The following PLEKHM1 variants were observed in gnomAD, a reference collection of about 807,000 sequenced individuals.
PLEKHM1 encodes the protein pleckstrin homology and RUN domain containing M1, also known as pleckstrin homology domain-containing family M member 1.
Under a neutral mutation model 94.3 loss-of-function variants are expected in PLEKHM1, and 28 were observed. The observed-to-expected ratio is 0.30, with a 90% confidence interval of 0.22 to 0.41. PLEKHM1 has a LOEUF of 0.41. Among genes scored for constraint, PLEKHM1 ranks in the 10% least tolerant of loss-of-function variants. The probability of loss-of-function intolerance (pLI) is 1.00; values close to 1 mark genes in which losing one functional copy is unlikely to be tolerated. For synonymous variants in PLEKHM1, 424 were observed against 581.2 expected (o/e 0.73, Z 3.89); for missense variants, 907 against 1,358.6 (o/e 0.67, Z 5.22).
intron 1 of PLEKHM1, among the ~76,000 whole-genome samples, chr17:45,486,046 C>A (rs2052104161): frequency 6.7e-6 from 1 of 148,648 alleles, no homozygotes; most frequent in Non-Finnish European, 1.5e-5. Flanking sequence ...GAAACCCCGT[C>A]TCTACTAAAA....
chr17:45,488,495 T>G (rs193148011), intron 1 of PLEKHM1, among the ~76,000 whole-genome samples: 64 of 152,296 alleles, frequency 4.2e-4, no homozygotes, highest in South Asian at 1.9e-3. Context: ...ACTGTGGAGC[T>G]CCTGTCATTA....
chr17:45,438,068 G>T, intron 11 of PLEKHM1, 99 bp from the exon 12 acceptor site: 2 of 837,558 alleles, frequency 2.4e-6, no homozygotes. Context: ...CGATACGGCT[G>T]TGATGTACTG....
intron 3 of PLEKHM1, 119 bp downstream of exon 3, chr17:45,477,781 T>C: frequency 8.4e-7 from 1 of 1,189,932 alleles, no homozygotes; most frequent in Non-Finnish European, 1.2e-6. Context: ...CCTCACCCTC[T>C]CTCTATGCTA....
At chr17:45,478,919 C>T (rs1440148782) in intron 2 of PLEKHM1, among the ~76,000 whole-genome samples, 2 of 152,100 alleles carry the variant, frequency 1.3e-5, no homozygotes, top group Non-Finnish European at 2.9e-5. Context: ...AGACATTCCA[C>T]TTAACCGCTT....
At chr17:45,466,765 C>T (rs2051333044) in intron 5 of PLEKHM1, among the ~76,000 whole-genome samples, 1 of 152,094 alleles carries the variant, frequency 6.6e-6, no homozygotes, top group Non-Finnish European at 1.5e-5. Flanking sequence ...AACTAGAATG[C>T]TCATTTGTTG....
Position 45,481,732 on chromosome 17 carries a change from T to C in PLEKHM1, c.48+705A>G, listed in dbSNP as rs2051958999. ...AAGCCAGCTGGGAAACAGGTGGAGC[T>C]GGACTCTCCTGTGGCCAGGACGGGG... is the stretch of plus-strand genomic sequence containing the variant. On this transcript the variant is annotated intron_variant, in intron 2 of 11. Coordinates refer to ENST00000430334, the MANE Select transcript of PLEKHM1 (RefSeq NM_014798.3). 2.0e-5 allele frequency among the ~76,000 whole-genome samples: 3 copies of C among 150,954 alleles called. No homozygotes were observed. The South Asian group carries it at 6.4e-4, about 32-fold the overall frequency.
rs1341397587 is a variant in PLEKHM1, at chr17:45,445,228, G to A, written c.2837+242C>T. ...CTGCCCAGGTTTCCTCCAGGTGGAC[G>A]CCTTGCCCTGGGCACTGCCCCTGTG... On this transcript the variant is annotated intron_variant, in intron 9 of 11. Coordinates refer to ENST00000430334, the MANE Select transcript of PLEKHM1 (RefSeq NM_014798.3). The surrounding 1 kb of genome is among the most constrained non-coding windows in gnomAD (Gnocchi z 4.2). Among the ~76,000 whole-genome samples the A allele has an allele frequency of 2.0e-5, 3 of 152,252 alleles. No homozygotes were observed. The highest frequency in any genetic ancestry group is 2.9e-5 in the Non-Finnish European group (2 of 68,046).
intron 4 of PLEKHM1, among the ~76,000 whole-genome samples, chr17:45,473,757 A>C (rs868342950): frequency 6.6e-6 from 1 of 151,872 alleles, no homozygotes; most frequent in Non-Finnish European, 1.5e-5. Context: ...ATGGGGTTTC[A>C]CCGTGTTAGC....
At chr17:45,483,894 A>AAAAT (rs2052032244) in intron 1 of PLEKHM1, among the ~76,000 whole-genome samples, 1 of 152,202 alleles carries the variant, frequency 6.6e-6, no homozygotes, top group African/African-American at 2.4e-5. Flanking sequence ...GCTGTAAACC[A>AAAAT]AAAATAAAAT....
chr17:45,454,087 G>C lies in PLEKHM1; in HGVS notation c.1765C>G (p.His589Asp). Residue 589 changes from histidine to aspartate, a missense_variant, in exon 7 of 12, where the codon CAT becomes GAT. Coordinates refer to ENST00000430334, the MANE Select transcript of PLEKHM1 (RefSeq NM_014798.3). ...ACCAGCTCAAAGCGCCCATCACTAT[G>C]GGCTGGCCCCACAGACTCACAGCGA... The part of the protein sequence containing the change: ...LLRCESVGPA[H>D]SDGRFELVFS... 4 of 1,614,218 alleles carry C rather than the reference G, an allele frequency of 2.5e-6. No homozygotes were observed. Among genetic ancestry groups the C allele is most frequent in the Non-Finnish European group, 3.4e-6 (4 of 1,180,054 alleles).
intron 1 of PLEKHM1, among the ~76,000 whole-genome samples, chr17:45,490,147 G>C (rs554618668): frequency 6.6e-6 from 1 of 152,058 alleles, no homozygotes; most frequent in Non-Finnish European, 1.5e-5. Context: ...GGCGGAGGTA[G>C]AATGTTTGGG....
At chr17:45,438,176 CTG>C (rs1005938494) in intron 11 of PLEKHM1, among the ~76,000 whole-genome samples, 7 of 152,254 alleles carry the variant, frequency 4.6e-5, no homozygotes, top group African/African-American at 1.7e-4. Flanking sequence ...CTGATATTCT[CTG>C]TCCTATTGCA....
intron 5 of PLEKHM1, among the ~76,000 whole-genome samples, chr17:45,462,356 C>T (rs1470676465): frequency 6.6e-6 from 1 of 151,682 alleles, no homozygotes; most frequent in African/African-American, 2.4e-5. Context: ...ACTGGGGGAC[C>T]CCCCTGAGGA....
chr17:45,443,700 A>G (rs550047334), intron 9 of PLEKHM1, among the ~76,000 whole-genome samples: 1 of 151,900 alleles, frequency 6.6e-6, no homozygotes, highest in Non-Finnish European at 1.5e-5. Context: ...CTGTGCAGGT[A>G]CCTGGCTCCT....
In PLEKHM1 at chr17:45,444,570, A is replaced by G. The variant is rs1313481156; in HGVS notation, c.2837+900T>C. ...GCCAGACGACTGGCTGGTACAGGGA[A>G]GAGATGGGAACATCTGGCCCTCACC... is the stretch of plus-strand genomic sequence containing the variant. On this transcript the variant is annotated intron_variant, in intron 9 of 11. Coordinates refer to ENST00000430334, the MANE Select transcript of PLEKHM1 (RefSeq NM_014798.3). This position sits in a 1 kb window ranked among gnomAD's most constrained non-coding sequence, Gnocchi z 5.0. Among the ~76,000 whole-genome samples, 2 of 152,160 alleles carry G rather than the reference A, an allele frequency of 1.3e-5. No homozygotes were observed. The highest frequency in any genetic ancestry group is 1.9e-4 in the East Asian group (1 of 5,188).
In PLEKHM1 at chr17:45,475,476, C is replaced by T. The variant is rs767393244; in HGVS notation, c.547G>A (p.Ala183Thr). Residue 183 changes from alanine to threonine, a missense_variant, in exon 4 of 12, where the codon GCC (alanine) becomes ACC (threonine). By Grantham distance (58) the Ala-to-Thr change is moderately conservative. Around this residue, in one of 3 missense-constraint regions of PLEKHM1, gnomAD observed 176 missense variants for 306.0 expected, o/e 0.58. Transcript: ENST00000430334. ...GTGAGCGTCCACTCATTTAAGATGG[C>T]AGACTTGTAGGAGAGTTCGAAGGAC... is the stretch of plus-strand genomic sequence containing the variant. ...SLSFELSYKS[A>T]ILNEWTLTPL... 2 of 1,612,932 alleles carry T rather than the reference C, an allele frequency of 1.2e-6. No individual in the cohort carries two copies. The highest frequency in any genetic ancestry group is 1.7e-6 in the Non-Finnish European group (2 of 1,179,126).
intron 6 of PLEKHM1, among the ~76,000 whole-genome samples, chr17:45,455,942 C>T (rs1487730662): frequency 2.6e-5 from 4 of 152,344 alleles, no homozygotes; most frequent in South Asian, 4.1e-4. Flanking sequence ...TTGACCTCAT[C>T]GCTCACTGCC....
chr17:45,449,754 C>T (rs1318089215), intron 8 of PLEKHM1, among the ~76,000 whole-genome samples: 2 of 150,272 alleles, frequency 1.3e-5, no homozygotes, highest in East Asian at 2.0e-4. Context: ...ACCTACCTGC[C>T]CATCCACCTA....
chr17:45,485,727 A>T (rs62065441), intron 1 of PLEKHM1, among the ~76,000 whole-genome samples: 1 of 146,988 alleles, frequency 6.8e-6, no homozygotes, highest in African/African-American at 2.5e-5. Flanking sequence ...GTGAAACCCT[A>T]TCTCTAATTA....
Sources: gnomAD v4.1 joint callset for allele counts (sites outside exome capture counted in the v4.1 genomes callset) on GRCh38, gnomAD v4.1.1 for gene constraint, gnomAD v4.1.1 regional missense constraint, Gnocchi (gnomAD v3.1) non-coding constraint, MANE v1.5 for transcripts, NCBI Gene and HGNC (gene_info 2026-07-23, HGNC 2026-07-21) for gene names.